Variants in TRIM61 observed in about 807,000 individuals in gnomAD.
The protein encoded by TRIM61 is tripartite motif containing 61, also known as putative tripartite motif-containing protein 61.
Under a neutral mutation model 14.2 loss-of-function variants are expected in TRIM61, and 1 was observed. The observed-to-expected ratio is 0.07, with a 90% CI of 0.03 to 0.33. The LOEUF is 0.33. Among genes scored for constraint, TRIM61 ranks in the 10% least tolerant of loss-of-function variants. The probability of loss-of-function intolerance (pLI) is 0.99; values close to 1 mark genes in which losing one functional copy is unlikely to be tolerated. For synonymous variants in TRIM61, 8 were observed against 71.6 expected, an observed-to-expected ratio of 0.11 and a Z score of 4.49; for missense variants, 19 against 202.2, an observed-to-expected ratio of 0.09 and a Z score of 5.49.
intron 3 of TRIM61, among the ~76,000 whole-genome samples, chr4:164,961,033 A>C (rs575274674): frequency 1.3e-5 from 2 of 151,980 alleles, no homozygotes; most frequent in African/African-American, 4.8e-5. Flanking sequence ...AAGAAACAAA[A>C]AACAAAAATC....
chr4:164,971,730 G>A (rs1048915374), intron 2 of TRIM61, among the ~76,000 whole-genome samples: 10 of 152,108 alleles, frequency 6.6e-5, no homozygotes, highest in Admixed American at 3.3e-4. Flanking sequence ...ACAAAAGTGA[G>A]GCAGAAAAAC....
At position 164,955,011 on chromosome 4, in the gene TRIM61, G is replaced by C. The variant is rs947646064; in HGVS notation, c.611C>G (p.Ser204Cys). ...AGCTACTCAGGAGCCAGAGGCAGAA[G>C]AATCGCTTGATCCCGGGAGGCGGAG... The change falls in exon 4 of 5, where the codon TCT (serine) becomes TGT (cysteine). Residue 204 changes from serine to cysteine, a missense_variant. Around this residue, in one of 2 missense-constraint regions of TRIM61, gnomAD observed 2 missense variants for 96.6 expected, o/e 0.02. Coordinates refer to ENST00000329314, the MANE Select transcript of TRIM61 (RefSeq NM_001012414.3). The C allele has an allele frequency of 1.0e-5, 3 of 293,920 alleles. No homozygotes were observed. The highest frequency in any genetic ancestry group is 2.1e-5 in the Non-Finnish European group (3 of 143,420). The allele number at this position is 293,920 out of a possible 1,614,324, so 18.2% of individuals were successfully genotyped here. A position where few individuals can be genotyped will look rare whatever the true frequency, so the allele number is the denominator to read the frequency against.
intron 3 of TRIM61, among the ~76,000 whole-genome samples, chr4:164,964,425 A>G (rs746209123): frequency 2.6e-4 from 40 of 152,194 alleles, no homozygotes; most frequent in Non-Finnish European, 5.0e-4. Context: ...AAGAATGACA[A>G]AAATAAAAAT....
chr4:164,972,409 G>T (rs563732585), intron 2 of TRIM61, among the ~76,000 whole-genome samples: 1 of 152,280 alleles, frequency 6.6e-6, no homozygotes, highest in Non-Finnish European at 1.5e-5. Flanking sequence ...TTGCTTATTA[G>T]TTCTTTTAAA....
chr4:164,954,900 G>C (rs915891209), intron 4 of TRIM61: 1 of 226,498 alleles, frequency 4.4e-6, no homozygotes. Flanking sequence ...TCAAGAGATC[G>C]AGACCATCTG....
rs146599123 is a variant in TRIM61 at position 164,960,875 on chromosome 4, C to G, written c.526-5779G>C. On this transcript the variant is annotated intron_variant, in intron 3 of 4. Transcript: ENST00000329314. ...CTGTGGCAGGAAAATCACTTGAAAC[C>G]AGGAAGCGGAGGTCGTAGTGAGCCA... Among the ~76,000 whole-genome samples the G allele has an allele frequency of 1.8e-3, 269 of 151,920 alleles. 3 individuals carry two copies. The highest frequency in any genetic ancestry group is 6.3e-3 in the African/African-American group (260 of 41,468).
intron 2 of TRIM61, among the ~76,000 whole-genome samples, chr4:164,976,314 C>A (rs995390297): frequency 6.6e-6 from 1 of 152,208 alleles, no homozygotes; most frequent in Non-Finnish European, 1.5e-5. Context: ...TGTCTTATTT[C>A]TTTTCTCAGT....
intron 3 of TRIM61, among the ~76,000 whole-genome samples, chr4:164,967,014 TC>T (rs1732258206): frequency 6.6e-6 from 1 of 152,078 alleles, no homozygotes; most frequent in Admixed American, 6.6e-5. Flanking sequence ...GACATGACTA[TC>T]TCTACGGAAA....
At chr4:164,959,695 A>G (rs1477009603) in intron 3 of TRIM61, among the ~76,000 whole-genome samples, 2 of 152,200 alleles carry the variant, frequency 1.3e-5, no homozygotes, top group Non-Finnish European at 2.9e-5. Flanking sequence ...TAACAGTAGA[A>G]TCCAGTTTGA....
rs1283305689 is a variant in TRIM61 at position 164,970,312 on chromosome 4, GC to G, written c.-311del. The G allele has an allele frequency of 7.4e-5, 21 of 285,678 alleles. No homozygotes were observed. The highest frequency in any genetic ancestry group is 4.6e-4 in the African/African-American group (21 of 45,750). 17.7% of individuals were successfully genotyped at this position (285,678 alleles called of 1,614,324 possible). On this transcript the variant is annotated 5_prime_UTR_variant, in exon 3 of 5. The change creates a premature stop within an existing upstream ORF in the 5' untranslated region. Transcript: ENST00000329314. ...AAGTCAAGTTTTCTTCAAGAAAGCA[GC>G]CTCAGGTCCAAGATAGGGAATCCTT...
At position 164,977,625 on chromosome 4, in the gene TRIM61, G is replaced by T. The variant is rs1373725894; in HGVS notation, c.-570C>A. On this transcript the variant is annotated 5_prime_UTR_variant, in exon 1 of 5. Coordinates refer to ENST00000329314, the MANE Select transcript of TRIM61 (RefSeq NM_001012414.3). Reference sequence around the variant, plus strand: ...CTCATACCCCAACCCCACCAAGTGGGCTGCTTCCTGCCTGGGGCTCAGCCT... The same window carrying T: ...CTCATACCCCAACCCCACCAAGTGGTCTGCTTCCTGCCTGGGGCTCAGCCT... The T allele has an allele frequency of 6.6e-6, 1 of 152,240 alleles. No individual in the cohort carries two copies. The highest frequency in any genetic ancestry group is 2.4e-5 in the African/African-American group (1 of 41,430). 9.4% of individuals were successfully genotyped at this position (152,240 alleles called of 1,614,324 possible).
chr4:164,963,408 A>T (rs957450113), intron 3 of TRIM61, among the ~76,000 whole-genome samples: 16 of 152,210 alleles, frequency 1.1e-4, no homozygotes, highest in Admixed American at 7.2e-4. Flanking sequence ...CACCAAGATA[A>T]ACCATATCAT....
intron 1 of TRIM61, 68 bp from the exon 2 acceptor site, chr4:164,976,893 T>G (rs939695656): frequency 1.3e-5 from 2 of 152,196 alleles, no homozygotes; most frequent in Admixed American, 6.5e-5. Flanking sequence ...GCTCCCATCA[T>G]GTCACATATC....
chr4:164,958,531 G>C (rs1046492224), intron 3 of TRIM61: 11 of 166,906 alleles, frequency 6.6e-5, no homozygotes, highest in Non-Finnish European at 1.0e-4. Context: ...CTTCAATTCT[G>C]AATTGTCTGC....
chr4:164,963,488 C>T (rs545260349), intron 3 of TRIM61, among the ~76,000 whole-genome samples: 24 of 152,166 alleles, frequency 1.6e-4, no homozygotes, highest in South Asian at 6.2e-4. Flanking sequence ...CGGTGGCTCA[C>T]GCCTGTAATC....
At chr4:164,973,533 G>A (rs1732418644) in intron 2 of TRIM61, among the ~76,000 whole-genome samples, 1 of 152,212 alleles carries the variant, frequency 6.6e-6, no homozygotes, top group Admixed American at 6.5e-5. Flanking sequence ...TACAAACTGA[G>A]AGCTAACAAT....
rs1029494929 is a variant in TRIM61, at chr4:164,954,752, A to G, written c.*33T>C. 1.3e-5 allele frequency: 2 copies of G among 153,836 alleles called. No homozygotes were observed. Among genetic ancestry groups the G allele is most frequent in the Non-Finnish European group, 2.9e-5 (2 of 69,014 alleles). The allele number at this position is 153,836 out of a possible 1,614,324, so 9.5% of individuals were successfully genotyped here. A position where few individuals can be genotyped will look rare whatever the true frequency, so the allele number is the denominator to read the frequency against. On this transcript the variant is annotated 3_prime_UTR_variant, in exon 5 of 5. Coordinates refer to ENST00000329314, the MANE Select transcript of TRIM61 (RefSeq NM_001012414.3). ...CGCTTGAGGTCAGGAGTTCCAGACCAGCCTGGGCAACCATCTCTACAAAAA... is the reference window on the plus strand; with the variant it reads ...CGCTTGAGGTCAGGAGTTCCAGACCGGCCTGGGCAACCATCTCTACAAAAA...
intron 3 of TRIM61, chr4:164,968,414 ATAATT>A: frequency 2.0e-6 from 2 of 984,614 alleles, no homozygotes; most frequent in Non-Finnish European, 2.4e-6. Context: ...CACTGACCCC[ATAATT>A]TAATATAAAG....
chr4:164,971,080 G>A (rs913395154), intron 2 of TRIM61, among the ~76,000 whole-genome samples: 6 of 152,036 alleles, frequency 3.9e-5, no homozygotes, highest in Non-Finnish European at 8.8e-5. Context: ...CAGCCCCAGC[G>A]ACAGAGTGAA....
Sources: gnomAD v4.1 joint callset for allele counts (sites outside exome capture counted in the v4.1 genomes callset) on GRCh38, gnomAD v4.1.1 for gene constraint, gnomAD v4.1.1 regional missense constraint, MANE v1.5 for transcripts, NCBI Gene and HGNC (gene_info 2026-07-23, HGNC 2026-07-21) for gene names.